Variants in MDGA2 observed in about 807,000 individuals in gnomAD.
MDGA2 encodes MAM domain containing glycosylphosphatidylinositol anchor 2, also known as MAM domain-containing glycosylphosphatidylinositol anchor protein 2.
In MDGA2, 40 loss-of-function variants were observed where a neutral mutation model predicts 117.8. The ratio of observed to expected loss-of-function variants is 0.34; its 90% CI spans 0.26 to 0.44. The LOEUF is 0.44. MDGA2 is among the 20% of genes least tolerant of loss of function. The pLI is 1.00. For missense variants in MDGA2, 1,123 were observed against 1,250.6 expected, an observed-to-expected ratio of 0.90 and a Z score of 1.54; for synonymous variants, 452 against 439.0, an observed-to-expected ratio of 1.03 and a Z score of -0.37.
intron 1 of MDGA2, among the ~76,000 whole-genome samples, chr14:47,648,005 TAAAC>T (rs1897568949): frequency 1.3e-5 from 2 of 152,142 alleles, no homozygotes; most frequent in Admixed American, 6.5e-5. Flanking sequence ...CAATAATAAA[TAAAC>T]AAATAAATGC....
intron 2 of MDGA2, among the ~76,000 whole-genome samples, chr14:47,265,186 C>T (rs1393570385): frequency 6.6e-6 from 1 of 152,050 alleles, no homozygotes; most frequent in Non-Finnish European, 1.5e-5. Context: ...CATAGCATTT[C>T]CATCATATGG....
chr14:47,238,976 T>C (rs922873887), intron 2 of MDGA2, among the ~76,000 whole-genome samples: 1 of 151,694 alleles, frequency 6.6e-6, no homozygotes, highest in Admixed American at 6.6e-5. Flanking sequence ...TGTAAGTAAA[T>C]TGTGATCGGC....
At chr14:47,068,014 T>G (rs191257627) in intron 6 of MDGA2, among the ~76,000 whole-genome samples, 13 of 152,244 alleles carry the variant, frequency 8.5e-5, no homozygotes, top group African/African-American at 2.4e-4. Flanking sequence ...CGTTACACCC[T>G]TCCTGAAAGT....
intron 1 of MDGA2, among the ~76,000 whole-genome samples, chr14:47,489,108 A>C (rs182965600): frequency 6.6e-6 from 1 of 152,060 alleles, no homozygotes; most frequent in Non-Finnish European, 1.5e-5. Context: ...GATGTGGACA[A>C]TTTAAGTTCC....
At position 47,061,412 on chromosome 14, in the gene MDGA2, C is replaced by A; in HGVS notation, c.1362G>T (p.Arg454=). 6.2e-7 allele frequency: 1 copy of A among 1,613,654 alleles called. No homozygotes were observed. The change falls in exon 7 of 17, where the codon CGG becomes CGT. Residue 454 remains arginine (R), a synonymous_variant. Transcript: ENST00000399232. ...KNGRPLRSSE[R]MVITQTDPDV... is the part of the protein sequence containing the mutation. ...CAGGATCAGTCTGTGTAATGACCAT[C>A]CGCTCAGAACTTCTTAATGGACGAC...
At chr14:47,520,569 A>G (rs1373315223) in intron 1 of MDGA2, among the ~76,000 whole-genome samples, 1 of 152,210 alleles carries the variant, frequency 6.6e-6, no homozygotes, top group East Asian at 1.9e-4. Context: ...ATTTTTTTCT[A>G]TGACACATCA....
At chr14:47,200,549 T>TTTTGG in intron 3 of MDGA2, 1 of 592,442 alleles carries the variant, frequency 1.7e-6, no homozygotes, top group Non-Finnish European at 2.6e-6. Context: ...TTTTTTTTTT[T>TTTTGG]GAGGAGTTAA....
chr14:47,572,585 G>C (rs915234039), intron 1 of MDGA2, among the ~76,000 whole-genome samples: 1 of 152,160 alleles, frequency 6.6e-6, no homozygotes, highest in East Asian at 1.9e-4. Flanking sequence ...GGCTTACAAA[G>C]GACCAAATAT....
At chr14:46,941,443 C>G (rs1884997060) in intron 9 of MDGA2, among the ~76,000 whole-genome samples, 1 of 152,172 alleles carries the variant, frequency 6.6e-6, no homozygotes, top group African/African-American at 2.4e-5. Flanking sequence ...TGTGGATTCT[C>G]TCTCCTGACC....
intron 1 of MDGA2, among the ~76,000 whole-genome samples, chr14:47,608,784 G>A (rs1896786911): frequency 1.3e-5 from 2 of 152,080 alleles, no homozygotes; most frequent in Non-Finnish European, 2.9e-5. Context: ...GAAGAAGCAG[G>A]AGACTAGTTA....
intron 1 of MDGA2, among the ~76,000 whole-genome samples, chr14:47,598,656 CAAAGGCTAGGAGGA>C (rs1896590612): frequency 1.3e-5 from 2 of 152,008 alleles, no homozygotes; most frequent in Non-Finnish European, 2.9e-5. Context: ...TAGAGATAAC[CAAAGGCTAGGAGGA>C]AAAAGGGAAG....
chr14:47,493,379 G>A, intron 1 of MDGA2, among the ~76,000 whole-genome samples: 1 of 151,372 alleles, frequency 6.6e-6, no homozygotes, highest in Non-Finnish European at 1.5e-5. Flanking sequence ...GCAATGCTGT[G>A]ATCTTGGCTC....
At chr14:47,308,365 TC>T (rs1889524439) in intron 1 of MDGA2, among the ~76,000 whole-genome samples, 1 of 152,136 alleles carries the variant, frequency 6.6e-6, no homozygotes, top group Non-Finnish European at 1.5e-5. Flanking sequence ...CAACAACTCA[TC>T]ATGTTTGTAC....
chr14:47,389,622 A>ACC (rs1304565699), intron 1 of MDGA2, among the ~76,000 whole-genome samples: 1 of 139,554 alleles, frequency 7.2e-6, no homozygotes, highest in Admixed American at 7.0e-5. Flanking sequence ...ACACACACAC[A>ACC]CACACACACA....
intron 1 of MDGA2, among the ~76,000 whole-genome samples, chr14:47,645,260 T>G (rs1042757774): frequency 2.0e-5 from 3 of 152,264 alleles, no homozygotes; most frequent in Admixed American, 1.3e-4. Flanking sequence ...CTTTTTTTTT[T>G]TTTAGAGGGA....
chr14:47,025,030 A>G (rs530806746), intron 8 of MDGA2, among the ~76,000 whole-genome samples: 25 of 152,312 alleles, frequency 1.6e-4, no homozygotes, highest in Admixed American at 1.5e-3. Context: ...ACAAAAGATG[A>G]ATCAAAAGGC....
intron 10 of MDGA2, among the ~76,000 whole-genome samples, chr14:46,917,340 T>C (rs1429425432): frequency 6.6e-6 from 1 of 152,212 alleles, no homozygotes; most frequent in African/African-American, 2.4e-5. Context: ...AGTATAAGAA[T>C]TGCCATAACT....
chr14:47,517,873 G>T (rs1194217261), intron 1 of MDGA2, among the ~76,000 whole-genome samples: 4 of 152,082 alleles, frequency 2.6e-5, no homozygotes, highest in African/African-American at 4.8e-5. Context: ...TAAAGAAAAA[G>T]TGTGTCTTAA....
At chr14:47,167,275 A>C (rs1004654603) in intron 3 of MDGA2, among the ~76,000 whole-genome samples, 6 of 152,188 alleles carry the variant, frequency 3.9e-5, no homozygotes, top group African/African-American at 1.4e-4. Flanking sequence ...TTAGTTTATC[A>C]TACTGGTTAC....
Sources: allele counts gnomAD v4.1 joint callset (sites outside exome capture counted in the v4.1 genomes callset), GRCh38; gene constraint gnomAD v4.1.1; transcripts MANE v1.5; gene names NCBI Gene and HGNC (gene_info 2026-07-23, HGNC 2026-07-21).